The following CASP5 variants were observed in gnomAD, a reference collection of about 807,000 sequenced individuals.
CASP5 encodes caspase-5.
In CASP5, 42 loss-of-function variants were observed where a neutral mutation model predicts 45.2. The ratio of observed to expected loss-of-function variants is 0.93; its 90% confidence interval spans 0.73 to 1.20. The LOEUF is 1.20. CASP5 is among the 50% of genes most tolerant of loss of function. The pLI is 0.00. For missense variants in CASP5, 512 were observed against 532.2 expected (o/e 0.96, Z 0.37); for synonymous variants, 209 against 186.2 (o/e 1.12, Z -1.00).
chr11:105,011,963 T>A (rs79947487), intron 1 of CASP5, among the ~76,000 whole-genome samples: 8,468 of 151,726 alleles, frequency 0.056, 713 homozygotes, highest in African/African-American at 0.19. Flanking sequence ...TGGAATTATT[T>A]AAAAATTCAA....
At chr11:105,015,654 G>C (rs369736174) in intron 1 of CASP5, among the ~76,000 whole-genome samples, 2 of 151,572 alleles carry the variant, frequency 1.3e-5, no homozygotes, top group South Asian at 2.1e-4. Context: ...TCCAGTCTAC[G>C]ACCAGTAAAG....
At chr11:104,999,639 G>A (rs981899799) in intron 6 of CASP5, among the ~76,000 whole-genome samples, 2 of 152,076 alleles carry the variant, frequency 1.3e-5, no homozygotes, top group Non-Finnish European at 2.9e-5. Context: ...TGTCTCTAGT[G>A]TCATTCAACA....
chr11:105,008,850 C>T lies in CASP5; in HGVS notation c.138G>A (p.Gln46=), dbSNP rs1364057519. 1.2e-6 allele frequency: 2 copies of T among 1,612,988 alleles called. No individual in the cohort carries two copies. Among genetic ancestry groups the T allele is most frequent in the Non-Finnish European group, 1.7e-6 (2 of 1,179,364 alleles). ...KNNVAGQTSI[Q]TLVPNTDQKS... ...TTTGATCCGTATTAGGTACTAGGGT[C>T]TGGATAGATGTTTGTCCAGCCACGT... Residue 46 remains glutamine, a synonymous_variant, in exon 2 of 10, where the codon CAG becomes CAA. Transcript: ENST00000260315.
chr11:105,009,864 C>CAT (rs201938249), intron 1 of CASP5, among the ~76,000 whole-genome samples: 8 of 132,576 alleles, frequency 6.0e-5, no homozygotes, highest in Non-Finnish European at 1.1e-4. Context: ...CATATATATA[C>CAT]ATATATATAC....
At chr11:105,010,157 C>T (rs939295322) in intron 1 of CASP5, among the ~76,000 whole-genome samples, 28 of 150,684 alleles carry the variant, frequency 1.9e-4, no homozygotes, top group African/African-American at 6.1e-4. Context: ...CTAGAAGCAC[C>T]AGACTCATTT....
In CASP5 at chr11:105,009,099, C is replaced by T. The variant is rs550569042; in HGVS notation, c.8-119G>A. ...GAAAATACATTCTGTCTTACCATGT[C>T]TTCAACAAATACTCATTATTTCTTT... is the stretch of plus-strand genomic sequence containing the variant. On this transcript the variant is annotated intron_variant, in intron 1 of 9. Coordinates refer to ENST00000260315, the MANE Select transcript of CASP5 (RefSeq NM_004347.5). 2.0e-3 allele frequency: 1,654 copies of T among 816,638 alleles called. 44 individuals carry two copies. In the South Asian group the frequency reaches 0.026, roughly 13 times the overall value. The allele number at this position is 816,638 out of a possible 1,614,324, so 50.6% of individuals were successfully genotyped here. A position where few individuals can be genotyped will look rare whatever the true frequency, so the allele number is the denominator to read the frequency against.
chr11:104,997,978 A>T (rs1861541843), intron 7 of CASP5, among the ~76,000 whole-genome samples: 1 of 152,336 alleles, frequency 6.6e-6, no homozygotes, highest in Admixed American at 6.5e-5. Flanking sequence ...CAGTTATAGA[A>T]GATTAAAATA....
At chr11:105,007,434 A>G (rs1862065177) in intron 2 of CASP5, 100 bp from the exon 3 acceptor site, 2 of 1,149,540 alleles carry the variant, frequency 1.7e-6, no homozygotes, top group Non-Finnish European at 2.5e-6. Context: ...CTCTAAAAAT[A>G]CATTCTATTT....
intron 5 of CASP5, among the ~76,000 whole-genome samples, chr11:105,000,975 A>G (rs902214084): frequency 6.6e-6 from 1 of 152,032 alleles, no homozygotes; most frequent in African/African-American, 2.4e-5. Context: ...TGCCAGTTTC[A>G]TTTTCAGCTC....
At position 105,000,337 on chromosome 11, in the gene CASP5, G is replaced by A; in HGVS notation, c.876C>T (p.Phe292=). ...GGCAGTTGCGGTTGTTGAATATCTG[G>A]AAGATGGTGTCATAAAGCAGCACAT... is the stretch of plus-strand genomic sequence containing the variant. ...KPDVLLYDTI[F]QIFNNRNCLS... Residue 292 remains phenylalanine, a synonymous_variant, in exon 6 of 10, where the codon TTC becomes TTT. Coordinates refer to ENST00000260315, the MANE Select transcript of CASP5 (RefSeq NM_004347.5). 6.2e-7 allele frequency: 1 copy of A among 1,614,210 alleles called. No individual in the cohort carries two copies. Among genetic ancestry groups the A allele is most frequent in the East Asian group, 2.2e-5 (1 of 44,886 alleles).
intron 1 of CASP5, among the ~76,000 whole-genome samples, chr11:105,010,459 A>T (rs1862293687): frequency 8.1e-6 from 1 of 124,194 alleles, no homozygotes; most frequent in Admixed American, 1.1e-4. Flanking sequence ...TATTATACTG[A>T]TATAATAAAT....
chr11:105,010,991 A>T (rs1024178732), intron 1 of CASP5, among the ~76,000 whole-genome samples: 1 of 151,902 alleles, frequency 6.6e-6, no homozygotes, highest in Non-Finnish European at 1.5e-5. Context: ...ACATTACATG[A>T]TAGTTGTTGA....
At chr11:105,002,541 A>T (rs1861791503) in intron 4 of CASP5, among the ~76,000 whole-genome samples, 1 of 152,058 alleles carries the variant, frequency 6.6e-6, no homozygotes, top group Non-Finnish European at 1.5e-5. Context: ...AATATAGCAA[A>T]TTTTCTTTGC....
rs771379291 is a variant in CASP5 at position 104,995,758 on chromosome 11, A to G, written c.1291T>C (p.Phe431Leu). 22 of 1,609,018 alleles carry G rather than the reference A, an allele frequency of 1.4e-5. No individual in the cohort carries two copies. The South Asian group carries it at 2.4e-4, about 18-fold the overall frequency. The change falls in exon 9 of 10, where the codon TTT becomes CTT. Residue 431 changes from phenylalanine to leucine, a missense_variant. Coordinates refer to ENST00000260315, the MANE Select transcript of CASP5 (RefSeq NM_004347.5). ...TACTTACATTTTCAATTGCCAGGAAAGAGGTAGAAATCTCTTGTCAAGGTT... is the reference window on the plus strand; with the variant it reads ...TACTTACATTTTCAATTGCCAGGAAGGAGGTAGAAATCTCTTGTCAAGGTT... ...RATLTRDFYL[F>L]PGN
chr11:105,020,510 A>C (rs1416555301), intron 1 of CASP5, among the ~76,000 whole-genome samples: 2 of 148,118 alleles, frequency 1.4e-5, no homozygotes, highest in Non-Finnish European at 3.0e-5. Context: ...TTATACACCA[A>C]CAACAGACAA....
At chr11:105,000,539 A>C in intron 5 of CASP5, 44 bp from the exon 6 acceptor site, 1 of 1,547,384 alleles carries the variant, frequency 6.5e-7, no homozygotes, top group Non-Finnish European at 8.9e-7. Context: ...AAGCATCACA[A>C]TTAATAGGAC....
At chr11:104,998,848 A>T (rs1565379952) in intron 7 of CASP5, 37 bp downstream of exon 7, 1 of 1,601,646 alleles carries the variant, frequency 6.2e-7, no homozygotes, top group South Asian at 1.1e-5. Flanking sequence ...TGGCCTCAGC[A>T]CCCCCAAATT....
At chr11:104,995,242 T>G (rs1861406281) in intron 9 of CASP5, 1 of 152,404 alleles carries the variant, frequency 6.6e-6, no homozygotes, top group African/African-American at 2.4e-5. Context: ...AAGGACCCCA[T>G]CTTTAGCTGA....
In CASP5 at chr11:104,994,322, A is replaced by T. The variant is rs890211471; in HGVS notation, c.*30T>A. The T allele has an allele frequency of 6.6e-6, 1 of 152,266 alleles. No homozygotes were observed. Among genetic ancestry groups the T allele is most frequent in the Non-Finnish European group, 1.5e-5 (1 of 68,090 alleles). The allele number at this position is 152,266 out of a possible 1,614,324, so 9.4% of individuals were successfully genotyped here. ...TAAATGTGCTCTTTGATGTTGACAG[A>T]GGAGGGCTGGGCTGCCTGTGGTTTC... On this transcript the variant is annotated 3_prime_UTR_variant, in exon 10 of 10. Coordinates refer to ENST00000260315, the MANE Select transcript of CASP5 (RefSeq NM_004347.5).
Sources: gnomAD v4.1 joint callset for allele counts (sites outside exome capture counted in the v4.1 genomes callset) on GRCh38, gnomAD v4.1.1 for gene constraint, MANE v1.5 for transcripts, NCBI Gene and HGNC (gene_info 2026-07-23, HGNC 2026-07-21) for gene names.